SLC35F1: variants seen among roughly 807,000 people sequenced by gnomAD.
SLC35F1 encodes the protein solute carrier family 35 member F1.
SLC35F1 carries 14 observed loss-of-function variants against 48.7 expected under a neutral mutation model. That is an observed-to-expected ratio of 0.29 (90% confidence interval 0.19 to 0.45). The LOEUF is 0.45. SLC35F1 is among the 20% of genes least tolerant of loss of function. The pLI, the probability that SLC35F1 is intolerant of heterozygous loss-of-function variation, is 1.00. For synonymous variants in SLC35F1, 190 were observed against 202.2 expected, an observed-to-expected ratio of 0.94 and a Z score of 0.51; for missense variants, 404 against 500.0, an observed-to-expected ratio of 0.81 and a Z score of 1.83.
intron 1 of SLC35F1, among the ~76,000 whole-genome samples, chr6:118,020,859 C>T (rs1777385203): frequency 6.6e-6 from 1 of 151,982 alleles, no homozygotes; most frequent in Non-Finnish European, 1.5e-5. Flanking sequence ...TGACTGAGCA[C>T]TTTGTAGTTA....
At chr6:118,037,870 G>T (rs935435508) in intron 1 of SLC35F1, among the ~76,000 whole-genome samples, 1 of 151,860 alleles carries the variant, frequency 6.6e-6, no homozygotes, top group Non-Finnish European at 1.5e-5. Flanking sequence ...GGCCTGTTGG[G>T]GGGTGGGGGG....
chr6:118,267,349 T>C (rs574519551), intron 4 of SLC35F1, among the ~76,000 whole-genome samples, 195 bp downstream of exon 4: 1 of 152,330 alleles, frequency 6.6e-6, no homozygotes, highest in East Asian at 1.9e-4. Context: ...CTTGAGTGCA[T>C]GAGTTTGCAA....
chr6:118,057,084 G>T (rs1475811538), intron 1 of SLC35F1, among the ~76,000 whole-genome samples: 1 of 152,072 alleles, frequency 6.6e-6, no homozygotes, highest in African/African-American at 2.4e-5. Context: ...TTGCATTTGG[G>T]AGTGATTACC....
chr6:118,246,073 A>G (rs1288428514), intron 3 of SLC35F1, among the ~76,000 whole-genome samples: 4 of 152,130 alleles, frequency 2.6e-5, no homozygotes, highest in African/African-American at 4.8e-5. Context: ...TTCCAGGGAT[A>G]CCGGGCCTGG....
chr6:118,208,681 C>T (rs1005865251), intron 2 of SLC35F1, among the ~76,000 whole-genome samples: 2 of 152,154 alleles, frequency 1.3e-5, no homozygotes, highest in African/African-American at 4.8e-5. Flanking sequence ...ACCCATTGTT[C>T]TACCATCCCA....
At chr6:118,000,959 C>G (rs1777083952) in intron 1 of SLC35F1, among the ~76,000 whole-genome samples, 1 of 151,958 alleles carries the variant, frequency 6.6e-6, no homozygotes, top group African/African-American at 2.4e-5. Context: ...AGGATACAAA[C>G]AAATGGAAGA....
chr6:118,139,636 G>C (rs1417412330), intron 1 of SLC35F1, among the ~76,000 whole-genome samples: 4 of 152,138 alleles, frequency 2.6e-5, no homozygotes, highest in Admixed American at 2.6e-4. Context: ...AGATTAATAT[G>C]GCAGAAATCT....
chr6:118,193,632 A>C (rs974457622), intron 2 of SLC35F1, among the ~76,000 whole-genome samples: 1 of 152,166 alleles, frequency 6.6e-6, no homozygotes, highest in East Asian at 1.9e-4. Context: ...TCTCCATTAC[A>C]TATGATAATG....
chr6:118,260,627 A>T (rs1161971213), intron 3 of SLC35F1, among the ~76,000 whole-genome samples: 1 of 152,174 alleles, frequency 6.6e-6, no homozygotes, highest in East Asian at 1.9e-4. Flanking sequence ...TTATGGTGTT[A>T]TGAATTTCCT....
chr6:118,052,204 A>G (rs1489956428), intron 1 of SLC35F1, among the ~76,000 whole-genome samples: 2 of 152,044 alleles, frequency 1.3e-5, no homozygotes, highest in Non-Finnish European at 2.9e-5. Context: ...CTTGCCTAAA[A>G]CCATTTGGTA....
intron 1 of SLC35F1, among the ~76,000 whole-genome samples, chr6:118,152,139 A>C (rs1380647269): frequency 6.6e-6 from 1 of 152,218 alleles, no homozygotes; most frequent in South Asian, 2.1e-4. Context: ...AGGGAGTGAC[A>C]TAGAAGCCAA....
chr6:118,093,344 T>C (rs1308638367), intron 1 of SLC35F1, among the ~76,000 whole-genome samples: 20 of 152,052 alleles, frequency 1.3e-4, no homozygotes, highest in Non-Finnish European at 1.5e-5. Context: ...TGTGAGGACA[T>C]GAGATTTGAG....
intron 1 of SLC35F1, among the ~76,000 whole-genome samples, chr6:118,039,693 C>T (rs1772183458): frequency 6.6e-6 from 1 of 151,398 alleles, no homozygotes; most frequent in Non-Finnish European, 1.5e-5. Flanking sequence ...GGTTTGGTCT[C>T]CTGAGATTTC....
chr6:118,102,792 C>G (rs1773277112), intron 1 of SLC35F1, among the ~76,000 whole-genome samples: 1 of 152,196 alleles, frequency 6.6e-6, no homozygotes, highest in Non-Finnish European at 1.5e-5. Context: ...AGGAGGCTGT[C>G]TCCTTGAGAG....
At chr6:118,255,074 T>C (rs1775625430) in intron 3 of SLC35F1, among the ~76,000 whole-genome samples, 1 of 152,160 alleles carries the variant, frequency 6.6e-6, no homozygotes, top group African/African-American at 2.4e-5. Context: ...TCACAGATGC[T>C]AGATTGATTT....
At chr6:118,305,344 G>A (rs1776300859) in intron 7 of SLC35F1, among the ~76,000 whole-genome samples, 1 of 151,744 alleles carries the variant, frequency 6.6e-6, no homozygotes, top group Non-Finnish European at 1.5e-5. Flanking sequence ...AAAGTCTACT[G>A]ACTTAAATGT....
chr6:118,104,708 G>C (rs1490593292), intron 1 of SLC35F1, among the ~76,000 whole-genome samples: 1 of 152,110 alleles, frequency 6.6e-6, no homozygotes, highest in Non-Finnish European at 1.5e-5. Context: ...TTGAAGATAG[G>C]AGCTGCAATG....
chr6:118,134,745 GC>G, intron 1 of SLC35F1, among the ~76,000 whole-genome samples: 2 of 152,262 alleles, frequency 1.3e-5, no homozygotes, highest in South Asian at 4.1e-4. Context: ...TGAAAGAAAA[GC>G]CCTCCAAGAC....
chr6:118,150,862 G>T (rs1774046016), intron 1 of SLC35F1, among the ~76,000 whole-genome samples: 1 of 151,998 alleles, frequency 6.6e-6, no homozygotes, highest in African/African-American at 2.4e-5. Flanking sequence ...TCAAAATTCT[G>T]CAAAGTCAAC....
Sources: allele counts gnomAD v4.1 joint callset (sites outside exome capture counted in the v4.1 genomes callset), GRCh38; gene constraint gnomAD v4.1.1; transcripts MANE v1.5; gene names NCBI Gene and HGNC (gene_info 2026-07-23, HGNC 2026-07-21).